GNAO1: variants seen among roughly 807,000 people sequenced by gnomAD.
GNAO1 encodes the protein guanine nucleotide-binding protein G(o) subunit alpha.
For missense variants in GNAO1, 166 were observed against 478.7 expected (o/e 0.35, Z 6.10); for synonymous variants, 164 against 180.7 (o/e 0.91, Z 0.74).
At chr16:56,350,699 C>G (rs1024461334) in intron 6 of GNAO1, among the ~76,000 whole-genome samples, 1 of 152,132 alleles carries the variant, frequency 6.6e-6, no homozygotes, top group South Asian at 2.1e-4. Context: ...CTGCCAGGAG[C>G]CTCTCCCCTG....
intron 3 of GNAO1, among the ~76,000 whole-genome samples, chr16:56,318,350 G>A (rs1156767961): frequency 6.6e-6 from 1 of 152,250 alleles, no homozygotes; most frequent in Admixed American, 6.5e-5. Flanking sequence ...AGCGGCTGGG[G>A]TCTCTCTGCC....
At chr16:56,232,915 G>T (rs2143402237) in intron 2 of GNAO1, among the ~76,000 whole-genome samples, 1 of 152,292 alleles carries the variant, frequency 6.6e-6, no homozygotes, top group Middle Eastern at 3.4e-3. Context: ...GAGCCTATAG[G>T]CCATTTCCAT....
At chr16:56,301,945 A>G (rs1381136041) in intron 3 of GNAO1, 2 of 152,190 alleles carry the variant, frequency 1.3e-5, no homozygotes, top group Non-Finnish European at 2.9e-5. Context: ...GACTGCTCAC[A>G]GCGTTACTCC....
intron 3 of GNAO1, among the ~76,000 whole-genome samples, chr16:56,279,493 G>A (rs1258711078): frequency 2.0e-5 from 3 of 152,136 alleles, no homozygotes; most frequent in Admixed American, 6.5e-5. Context: ...CTGGGCCTTC[G>A]CTGGGGTGTG....
At chr16:56,212,293 C>T (rs148172164) in intron 2 of GNAO1, among the ~76,000 whole-genome samples, 31 of 152,296 alleles carry the variant, frequency 2.0e-4, no homozygotes, top group East Asian at 7.7e-4. Flanking sequence ...GGCTCCAACT[C>T]GTCCTTTTTT....
At chr16:56,282,258 T>C (rs1273700567) in intron 3 of GNAO1, among the ~76,000 whole-genome samples, 1 of 152,244 alleles carries the variant, frequency 6.6e-6, no homozygotes, top group African/African-American at 2.4e-5. Context: ...ATGATCCTGA[T>C]ACCTCCCTCA....
chr16:56,247,645 C>T (rs2036761572), intron 2 of GNAO1, among the ~76,000 whole-genome samples: 1 of 152,152 alleles, frequency 6.6e-6, no homozygotes, highest in African/African-American at 2.4e-5. Flanking sequence ...GAACAGTCCT[C>T]CCCTAAAGCT....
intron 4 of GNAO1, among the ~76,000 whole-genome samples, chr16:56,329,582 G>A (rs1343688175): frequency 2.0e-5 from 3 of 152,342 alleles, no homozygotes; most frequent in African/African-American, 4.8e-5. Flanking sequence ...GATGGTCAGC[G>A]TTGGTCAGGG....
chr16:56,346,907 T>A (rs2037875892), intron 6 of GNAO1: 2 of 985,448 alleles, frequency 2.0e-6, no homozygotes, highest in Non-Finnish European at 2.4e-6. Flanking sequence ...GTCTCACCCA[T>A]GCCCTTCCCT....
intron 2 of GNAO1, among the ~76,000 whole-genome samples, chr16:56,261,923 A>C (rs1596827729): frequency 6.6e-6 from 1 of 152,158 alleles, no homozygotes; most frequent in Non-Finnish European, 1.5e-5. Context: ...AAGAACAGAA[A>C]CCTGCCCTAG....
chr16:56,237,259 A>G (rs957325329), intron 2 of GNAO1, among the ~76,000 whole-genome samples: 1 of 152,208 alleles, frequency 6.6e-6, no homozygotes, highest in Non-Finnish European at 1.5e-5. Context: ...GGTGGGGTTT[A>G]TGCAGTCATT....
Position 56,245,900 on chromosome 16 carries a change from A to G in GNAO1, c.162-30031A>G, listed in dbSNP as rs149935632. Among the ~76,000 whole-genome samples the G allele has an allele frequency of 6.4e-3, 981 of 152,250 alleles. 9 individuals carry two copies. Among genetic ancestry groups the G allele is most frequent in the African/African-American group, 0.022 (932 of 41,554 alleles). On this transcript the variant is annotated intron_variant, in intron 2 of 8. Transcript: ENST00000262493. ...AATGCAGGCCTTTTAGGAGAGACTA[A>G]TGGGAGGTTTATAATTCAGATTGGG...
chr16:56,218,620 G>A (rs2036456630), intron 2 of GNAO1, among the ~76,000 whole-genome samples: 1 of 152,160 alleles, frequency 6.6e-6, no homozygotes, highest in Admixed American at 6.5e-5. Flanking sequence ...CCTGCCTGGT[G>A]TGACCCTGCC....
chr16:56,214,348 C>G lies in GNAO1; in HGVS notation c.161+21732C>G, dbSNP rs546333956. Among the ~76,000 whole-genome samples, 7 of 152,244 alleles carry G rather than the reference C, an allele frequency of 4.6e-5. No homozygotes were observed. In the East Asian group the frequency reaches 1.4e-3, roughly 29 times the overall value. ...AGGGCTGCTGACCCAGCTTTGGGCT[C>G]CACCGTAGACGTGCTCAGTAAGCAA... On this transcript the variant is annotated intron_variant, in intron 2 of 8. Coordinates refer to ENST00000262493, the MANE Select transcript of GNAO1 (RefSeq NM_020988.3).
intron 2 of GNAO1, among the ~76,000 whole-genome samples, chr16:56,261,425 G>A (rs1477164544): frequency 6.6e-6 from 1 of 152,208 alleles, no homozygotes; most frequent in Non-Finnish European, 1.5e-5. Context: ...ATGCCCCTTT[G>A]TCTCTTCAGG....
At chr16:56,332,255 C>G (rs1336093565) in intron 4 of GNAO1, among the ~76,000 whole-genome samples, 2 of 152,194 alleles carry the variant, frequency 1.3e-5, no homozygotes, top group African/African-American at 2.4e-5. Flanking sequence ...CTTGCCCCAG[C>G]CGGACTCTGG....
intron 3 of GNAO1, among the ~76,000 whole-genome samples, chr16:56,317,366 A>G (rs538069966): frequency 2.6e-5 from 4 of 152,314 alleles, no homozygotes; most frequent in East Asian, 1.9e-4. Flanking sequence ...GGCACCAACT[A>G]CTGAGCTGGG....
At chr16:56,261,627 T>G (rs1315939523) in intron 2 of GNAO1, among the ~76,000 whole-genome samples, 1 of 151,522 alleles carries the variant, frequency 6.6e-6, no homozygotes, top group East Asian at 1.9e-4. Context: ...TTAGGTGGAG[T>G]CGGGGGAGGA....
chr16:56,200,847 T>G (rs2036276131), intron 2 of GNAO1, among the ~76,000 whole-genome samples: 1 of 152,202 alleles, frequency 6.6e-6, no homozygotes, highest in Admixed American at 6.5e-5. Context: ...AGCAACCATC[T>G]GGACAGGCCT....
Sources: gnomAD v4.1 joint callset for allele counts (sites outside exome capture counted in the v4.1 genomes callset) on GRCh38, gnomAD v4.1.1 for gene constraint, MANE v1.5 for transcripts, NCBI Gene and HGNC (gene_info 2026-07-23, HGNC 2026-07-21) for gene names.